The following ERC2 variants were observed in gnomAD, a reference collection of about 807,000 sequenced individuals.
ERC2 encodes the protein ERC protein 2.
A neutral mutation model predicts 114.8 loss-of-function variants in ERC2; 42 were observed. That is an observed-to-expected ratio of 0.37 (90% CI 0.29 to 0.47). The LOEUF (loss-of-function observed/expected upper bound fraction) is 0.47, where lower values mean the gene tolerates loss of function less well. Among genes scored for constraint, ERC2 ranks in the 20% least tolerant of loss-of-function variants. The pLI is 0.99. For synonymous variants in ERC2, 454 were observed against 425.5 expected (o/e 1.07, Z -0.82); for missense variants, 939 against 1,150.7 (o/e 0.82, Z 2.66).
intron 6 of ERC2, among the ~76,000 whole-genome samples, chr3:56,082,812 C>G (rs1420884514): frequency 2.6e-5 from 4 of 152,130 alleles, no homozygotes; most frequent in Admixed American, 2.6e-4. Flanking sequence ...TCAAGCATTA[C>G]CACTTGAGCT....
chr3:55,764,642 C>T (rs2067655951), intron 14 of ERC2, among the ~76,000 whole-genome samples: 1 of 152,200 alleles, frequency 6.6e-6, no homozygotes, highest in Non-Finnish European at 1.5e-5. Flanking sequence ...TCTGAATTAA[C>T]AACTTCTAAA....
At chr3:56,193,023 C>T (rs2150073851) in intron 3 of ERC2, among the ~76,000 whole-genome samples, 1 of 152,240 alleles carries the variant, frequency 6.6e-6, no homozygotes, top group Middle Eastern at 3.4e-3. Context: ...TTTTGACTCT[C>T]CTTTGTGTAT....
At chr3:56,286,456 G>A (rs1051937005) in intron 3 of ERC2, among the ~76,000 whole-genome samples, 13 of 140,340 alleles carry the variant, frequency 9.3e-5, no homozygotes, top group African/African-American at 2.9e-4. Context: ...AAAAAATACC[G>A]TTTCCTGATT....
intron 2 of ERC2, among the ~76,000 whole-genome samples, chr3:56,418,616 G>A (rs2061264757): frequency 6.6e-6 from 1 of 152,200 alleles, no homozygotes; most frequent in African/African-American, 2.4e-5. Context: ...GATTAAATGA[G>A]ATACCATATA....
intron 17 of ERC2, among the ~76,000 whole-genome samples, chr3:55,555,686 A>G (rs1456504131): frequency 6.6e-6 from 1 of 152,200 alleles, no homozygotes; most frequent in Non-Finnish European, 1.5e-5. Context: ...AAGTGAGATG[A>G]AGCCTTTAGT....
chr3:56,389,506 G>A (rs1035903140), intron 2 of ERC2, among the ~76,000 whole-genome samples: 17 of 152,158 alleles, frequency 1.1e-4, no homozygotes, highest in Middle Eastern at 3.2e-3. Flanking sequence ...CAAATGAAAT[G>A]AGACCATCCC....
chr3:56,190,700 A>G (rs959236068), intron 3 of ERC2, among the ~76,000 whole-genome samples: 18 of 152,080 alleles, frequency 1.2e-4, no homozygotes, highest in African/African-American at 4.1e-4. Flanking sequence ...CAGTGTCCCA[A>G]GAGGCTGGGA....
At chr3:56,296,587 G>A (rs2055455415) in intron 2 of ERC2, among the ~76,000 whole-genome samples, 152 bp from the exon 3 acceptor site, 1 of 152,196 alleles carries the variant, frequency 6.6e-6, no homozygotes, top group Admixed American at 6.5e-5. Flanking sequence ...GGTGACTTCA[G>A]AAGCATGGGA....
chr3:55,723,126 C>G (rs1019507599), intron 15 of ERC2, among the ~76,000 whole-genome samples: 2 of 151,948 alleles, frequency 1.3e-5, no homozygotes, highest in African/African-American at 2.4e-5. Context: ...AATCATAAAC[C>G]AAGAAATATG....
intron 17 of ERC2, among the ~76,000 whole-genome samples, chr3:55,630,539 G>C (rs358916): frequency 0.93 from 142,216 of 152,252 alleles, 66,492 homozygotes; most frequent in East Asian, 1. Context: ...GGAGAAAGGG[G>C]AGATTACACT....
At chr3:56,417,644 G>A (rs545273675) in intron 2 of ERC2, among the ~76,000 whole-genome samples, 2 of 152,296 alleles carry the variant, frequency 1.3e-5, no homozygotes, top group Admixed American at 6.5e-5. Flanking sequence ...GGAAACAAGT[G>A]CAGAGAGATA....
In ERC2 at chr3:56,200,185, G is replaced by T. The variant is rs113692067; in HGVS notation, c.1075-26665C>A. ...TTAGGTGAGTGGCTATAAACAGGAG[G>T]CTTCCTCACCATTACTGCATTACTC... On this transcript the variant is annotated intron_variant, in intron 3 of 17. Coordinates refer to ENST00000288221, the MANE Select transcript of ERC2 (RefSeq NM_015576.3). 3.2e-3 allele frequency among the ~76,000 whole-genome samples: 490 copies of T among 151,860 alleles called. 2 individuals carry two copies. Among genetic ancestry groups the T allele is most frequent in the African/African-American group, 0.011 (473 of 41,406 alleles).
In ERC2 at chr3:56,027,087, CT is replaced by C. The variant is rs1305073491; in HGVS notation, c.1642-8057del. 2.6e-5 allele frequency among the ~76,000 whole-genome samples: 4 copies of C among 152,150 alleles called. No homozygotes were observed. The East Asian group carries it at 7.7e-4, about 29-fold the overall frequency. On this transcript the variant is annotated intron_variant, in intron 7 of 17. Coordinates refer to ENST00000288221, the MANE Select transcript of ERC2 (RefSeq NM_015576.3). ...CACAGTATGTAACCTGTGGGATTGG[CT>C]TTTTTCACTCTGCATAATTCTCTGA...
At chr3:56,151,813 C>T (rs1028522071) in intron 4 of ERC2, among the ~76,000 whole-genome samples, 2 of 151,968 alleles carry the variant, frequency 1.3e-5, no homozygotes, top group Admixed American at 6.6e-5. Flanking sequence ...CTCAGAAACT[C>T]GACGCGCTAA....
intron 17 of ERC2, among the ~76,000 whole-genome samples, chr3:55,651,062 T>C (rs560560551): frequency 6.5e-4 from 93 of 143,658 alleles, no homozygotes; most frequent in Non-Finnish European, 1.2e-3. Context: ...AGTTTCACCA[T>C]GTTGGCCAGG....
intron 14 of ERC2, among the ~76,000 whole-genome samples, chr3:55,800,283 A>G (rs2070935672): frequency 6.6e-6 from 1 of 152,072 alleles, no homozygotes; most frequent in South Asian, 2.1e-4. Flanking sequence ...AGCTGGGATT[A>G]CAGGCACGTG....
Position 55,793,010 on chromosome 3 carries a change from T to C in ERC2, c.2565-58092A>G, listed in dbSNP as rs73831511. Among the ~76,000 whole-genome samples the C allele has an allele frequency of 2.0e-5, 3 of 152,282 alleles. 1 individual carries two copies. Among genetic ancestry groups the C allele is most frequent in the Non-Finnish European group, 1.5e-5 (1 of 68,020 alleles). ...CCCTGAGCCCTGGGGAGTATATAGA[T>C]TGGTCCAAATAGCAATATTTGTGCT... On this transcript the variant is annotated intron_variant, in intron 14 of 17. Transcript: ENST00000288221.
At chr3:56,467,940 G>C (rs2107606549) in intron 1 of ERC2, among the ~76,000 whole-genome samples, 1 of 152,246 alleles carries the variant, frequency 6.6e-6, no homozygotes, top group Non-Finnish European at 1.5e-5. Flanking sequence ...GTGGCTGCCG[G>C]AGAGGGACTG....
intron 4 of ERC2, among the ~76,000 whole-genome samples, chr3:56,164,694 C>A (rs1438639811): frequency 6.6e-6 from 1 of 151,964 alleles, no homozygotes; most frequent in Non-Finnish European, 1.5e-5. Context: ...AGGGCTGTAC[C>A]ATTTTATGTT....
Sources: gnomAD v4.1 joint callset for allele counts (sites outside exome capture counted in the v4.1 genomes callset) on GRCh38, gnomAD v4.1.1 for gene constraint, MANE v1.5 for transcripts, NCBI Gene and HGNC (gene_info 2026-07-23, HGNC 2026-07-21) for gene names.